Variants in ACLY observed in about 807,000 individuals in gnomAD.
ACLY encodes the protein ATP-citrate synthase.
Under a neutral mutation model 133.0 loss-of-function variants are expected in ACLY, and 41 were observed. The ratio of observed to expected loss-of-function variants is 0.31; its 90% CI spans 0.24 to 0.40. ACLY has a LOEUF of 0.40. Among genes scored for constraint, ACLY ranks in the 10% least tolerant of loss-of-function variants. The pLI, the probability that ACLY is intolerant of heterozygous loss-of-function variation, is 1.00. For missense variants in ACLY, 1,046 were observed against 1,453.8 expected (o/e 0.72, Z 4.56); for synonymous variants, 495 against 549.3 (o/e 0.90, Z 1.38).
At chr17:41,869,324 C>A in intron 26 of ACLY, 150 bp downstream of exon 26, 1 of 783,842 alleles carries the variant, frequency 1.3e-6, no homozygotes, top group Non-Finnish European at 2.1e-6. Flanking sequence ...ACATTTAGTG[C>A]ATGTCTGTTA....
At chr17:41,894,662 A>T (rs1555630050) in intron 14 of ACLY, among the ~76,000 whole-genome samples, 1 of 152,068 alleles carries the variant, frequency 6.6e-6, no homozygotes, top group Non-Finnish European at 1.5e-5. Context: ...CAAAAATTTT[A>T]AAAAGAAAAT....
At chr17:41,886,073 C>CA (rs2049039490) in intron 18 of ACLY, 39 bp downstream of exon 18, 1 of 1,595,790 alleles carries the variant, frequency 6.3e-7, no homozygotes, top group African/African-American at 1.3e-5. Flanking sequence ...CCACTGCTCT[C>CA]AAAGCAGGAA....
chr17:41,900,561 ATT>A (rs546570598), intron 11 of ACLY, among the ~76,000 whole-genome samples: 2 of 145,568 alleles, frequency 1.4e-5, no homozygotes, highest in Non-Finnish European at 3.0e-5. Flanking sequence ...CTCACAACAA[ATT>A]TTTTTTTTTT....
At chr17:41,894,321 G>A (rs961867660) in intron 14 of ACLY, among the ~76,000 whole-genome samples, 9 of 145,722 alleles carry the variant, frequency 6.2e-5, no homozygotes, top group Admixed American at 2.1e-4. Flanking sequence ...AGGTTGCGGC[G>A]AGCCAAGATC....
At chr17:41,897,878 C>A in intron 12 of ACLY, 39 bp from the exon 13 acceptor site, 1 of 1,571,722 alleles carries the variant, frequency 6.4e-7, no homozygotes, top group South Asian at 1.2e-5. Flanking sequence ...AGGTAAGAGT[C>A]ACACCTGGGA....
In ACLY at chr17:41,909,680, GCAGA is replaced by G; in HGVS notation, c.362_365del (p.Val121AlafsTer39). 3 of 1,614,162 alleles carry G rather than the reference GCAGA, an allele frequency of 1.9e-6. No homozygotes were observed. Among genetic ancestry groups the G allele is most frequent in the Non-Finnish European group, 2.5e-6 (3 of 1,180,000 alleles). On this transcript the variant is annotated frameshift_variant, in exon 5 of 29. Coordinates refer to ENST00000352035, the MANE Select transcript of ACLY (RefSeq NM_001096.3). LOFTEE classifies it high-confidence loss of function. ...AGTCCCCTTCTCGGGTGGCATAGAT[GCAGA>G]CATAGAACTCCTCAGCCTTGCAGGT...
rs2048534992 is a variant in ACLY at position 41,869,093 on chromosome 17, G to A, written c.3084C>T (p.Leu1028=). The A allele has an allele frequency of 6.2e-7, 1 of 1,614,044 alleles. No individual in the cohort carries two copies. The highest frequency in any genetic ancestry group is 8.5e-7 in the Non-Finnish European group (1 of 1,180,000). The change falls in exon 27 of 29, where the codon CTC becomes CTT. Residue 1028 remains leucine (L), a synonymous_variant. Coordinates refer to ENST00000352035, the MANE Select transcript of ACLY (RefSeq NM_001096.3). The stretch of plus-strand genomic sequence containing the variant: ...GCATGTCTACAAATGCGACTCCGAT[G>A]AGACCATCTACATTCAGGATAAGAT... ...KPNLILNVDG[L]IGVAFVDMLR...
intron 6 of ACLY, among the ~76,000 whole-genome samples, chr17:41,907,877 TCTAA>T (rs1359111756): frequency 2.4e-4 from 37 of 152,196 alleles, no homozygotes; most frequent in Admixed American, 2.4e-3. Context: ...CTTTTGAGTA[TCTAA>T]CCATGCGCAA....
intron 6 of ACLY, among the ~76,000 whole-genome samples, 190 bp from the exon 7 acceptor site, chr17:41,907,762 A>AC (rs2049766601): frequency 6.6e-6 from 1 of 152,194 alleles, no homozygotes; most frequent in Non-Finnish European, 1.5e-5. Context: ...AACAAATTCT[A>AC]CAAGGCCATT....
intron 1 of ACLY, among the ~76,000 whole-genome samples, chr17:41,926,781 G>A (rs563214767): frequency 2.0e-5 from 3 of 152,204 alleles, no homozygotes; most frequent in East Asian, 1.9e-4. Context: ...AAGCCACCAC[G>A]CCAGGCCTTA....
intron 1 of ACLY, among the ~76,000 whole-genome samples, chr17:41,917,738 G>T (rs1248326317): frequency 6.6e-6 from 1 of 152,070 alleles, no homozygotes; most frequent in Non-Finnish European, 1.5e-5. Flanking sequence ...CCCTTACTGC[G>T]GCAGGCATAG....
chr17:41,920,775 C>T (rs12939107), upstream of ACLY, among the ~76,000 whole-genome samples: 23,336 of 151,778 alleles, frequency 0.15, 1,930 homozygotes, highest in East Asian at 0.18. Context: ...ATAAAAAGAC[C>T]GGGCGTGGTG....
intron 23 of ACLY, 92 bp downstream of exon 23, chr17:41,873,719 T>G: frequency 7.4e-7 from 1 of 1,346,556 alleles, no homozygotes; most frequent in Non-Finnish European, 9.7e-7. Flanking sequence ...TTGGACACAC[T>G]CCCCAGGCCT....
chr17:41,891,253 C>T (rs2049202381), intron 16 of ACLY, among the ~76,000 whole-genome samples: 1 of 151,992 alleles, frequency 6.6e-6, no homozygotes, highest in African/African-American at 2.4e-5. Flanking sequence ...GGTCTCGAAC[C>T]CCTAGCCTCA....
chr17:41,887,166 C>T (rs554556595), intron 17 of ACLY, among the ~76,000 whole-genome samples: 82 of 138,168 alleles, frequency 5.9e-4, no homozygotes, highest in African/African-American at 2.2e-3. Flanking sequence ...AGGCCAAACA[C>T]GGTGGCTCAC....
intron 4 of ACLY, 126 bp from the exon 5 acceptor site, chr17:41,909,826 T>C (rs1171961054): frequency 1.9e-5 from 16 of 833,952 alleles, no homozygotes; most frequent in Non-Finnish European, 2.6e-5. Flanking sequence ...GGTCTCATTT[T>C]CTAAAACCCA....
At chr17:41,882,098 G>A (rs2048930887) in intron 20 of ACLY, among the ~76,000 whole-genome samples, 2 of 151,966 alleles carry the variant, frequency 1.3e-5, no homozygotes, top group South Asian at 4.1e-4. Flanking sequence ...GCCAGGCATG[G>A]TGGCTCACGC....
chr17:41,897,871 T>C, intron 12 of ACLY, 32 bp from the exon 13 acceptor site: 1 of 1,591,638 alleles, frequency 6.3e-7, no homozygotes, highest in Non-Finnish European at 8.6e-7. Context: ...GTGTAAGAGG[T>C]AAGAGTCACA....
At chr17:41,904,966 C>G (rs546474295) in intron 9 of ACLY, among the ~76,000 whole-genome samples, 176 bp from the exon 10 acceptor site, 6 of 152,274 alleles carry the variant, frequency 3.9e-5, no homozygotes, top group African/African-American at 1.4e-4. Context: ...CAGCTCAACT[C>G]TCCATTACCT....
Sources: allele counts gnomAD v4.1 joint callset (sites outside exome capture counted in the v4.1 genomes callset), GRCh38; gene constraint gnomAD v4.1.1; transcripts MANE v1.5; gene names NCBI Gene and HGNC (gene_info 2026-07-23, HGNC 2026-07-21).